Variants in NCK1 observed in about 807,000 individuals in gnomAD.
NCK1 encodes NCK adaptor protein 1, also known as SH2/SH3 adapter protein NCK1.
In NCK1, 19 loss-of-function variants were observed where a neutral mutation model predicts 36.6. The observed-to-expected ratio is 0.52, with a 90% CI of 0.36 to 0.76. The LOEUF is 0.76. Among genes scored for constraint, NCK1 ranks in the 30% least tolerant of loss-of-function variants. The pLI is 0.00. For missense variants in NCK1, 358 were observed against 445.6 expected (o/e 0.80, Z 1.77); for synonymous variants, 165 against 156.0 (o/e 1.06, Z -0.43).
intron 1 of NCK1, among the ~76,000 whole-genome samples, chr3:136,874,939 T>C (rs1938725106): frequency 6.6e-6 from 1 of 152,222 alleles, no homozygotes; most frequent in Non-Finnish European, 1.5e-5. Flanking sequence ...CTGAAGACAT[T>C]CTGATTCTTG....
chr3:136,946,156 A>T lies in NCK1; in HGVS notation c.800A>T (p.Asp267Val). The T allele has an allele frequency of 6.2e-7, 1 of 1,613,728 alleles. No individual in the cohort carries two copies. The highest frequency in any genetic ancestry group is 8.5e-7 in the Non-Finnish European group (1 of 1,179,938). Residue 267 changes from aspartate to valine, a missense_variant, in exon 3 of 4, where the codon GAT (aspartate) becomes GTT (valine). Physicochemically the swap from Asp to Val is radical, Grantham distance 152. Coordinates refer to ENST00000481752, the MANE Select transcript of NCK1 (RefSeq NM_001291999.2). ...SGLEPSPPQCDYIRPSLTGKF... is the reference protein window; with the variant it reads ...SGLEPSPPQCVYIRPSLTGKF... ...TTGGAACCATCACCTCCACAGTGTG[A>T]TTACATTAGGCCTTCACTCACTGGA... is the stretch of plus-strand genomic sequence containing the variant.
chr3:136,906,019 A>G (rs957720375), intron 1 of NCK1, among the ~76,000 whole-genome samples: 2 of 152,082 alleles, frequency 1.3e-5, no homozygotes, highest in South Asian at 2.1e-4. Flanking sequence ...GTGTCCTTAC[A>G]CTGGTATCTG....
intron 2 of NCK1, 147 bp from the exon 3 acceptor site, chr3:136,945,436 A>T (rs1940785720): frequency 1.8e-6 from 1 of 546,082 alleles, no homozygotes; most frequent in Non-Finnish European, 3.0e-6. Context: ...CAAAAAGATG[A>T]TTTTTAACTA....
At chr3:136,942,857 C>T (rs1940712326) in intron 2 of NCK1, among the ~76,000 whole-genome samples, 1 of 152,240 alleles carries the variant, frequency 6.6e-6, no homozygotes, top group Non-Finnish European at 1.5e-5. Flanking sequence ...CCCAGGAAGA[C>T]TCCCTATGCC....
chr3:136,939,034 A>T (rs756804203), intron 2 of NCK1, among the ~76,000 whole-genome samples: 1 of 152,166 alleles, frequency 6.6e-6, no homozygotes, highest in Non-Finnish European at 1.5e-5. Context: ...CTTTTTAGAG[A>T]TGTTTTAGAA....
chr3:136,913,826 G>A (rs1304813606), intron 1 of NCK1, among the ~76,000 whole-genome samples: 7 of 152,100 alleles, frequency 4.6e-5, no homozygotes, highest in Non-Finnish European at 8.8e-5. Context: ...CCGCCACCGC[G>A]CCCAACTAAT....
chr3:136,939,096 C>T (rs983423941), intron 2 of NCK1, among the ~76,000 whole-genome samples: 2 of 152,094 alleles, frequency 1.3e-5, no homozygotes, highest in African/African-American at 4.8e-5. Context: ...CCAGTGAAAC[C>T]ATCTGGTCCA....
At chr3:136,896,386 A>C (rs1258539502) in intron 1 of NCK1, among the ~76,000 whole-genome samples, 1 of 152,130 alleles carries the variant, frequency 6.6e-6, no homozygotes, top group Non-Finnish European at 1.5e-5. Flanking sequence ...AGAACATACT[A>C]TATTTGTCTT....
At chr3:136,926,397 C>T (rs1468283331) in intron 1 of NCK1, among the ~76,000 whole-genome samples, 1 of 151,958 alleles carries the variant, frequency 6.6e-6, no homozygotes, top group Non-Finnish European at 1.5e-5. Context: ...GCCTCAGCGT[C>T]CCAAGTAGCT....
chr3:136,872,931 G>C, intron 1 of NCK1, among the ~76,000 whole-genome samples: 1 of 152,224 alleles, frequency 6.6e-6, no homozygotes, highest in Admixed American at 6.5e-5. Context: ...GAAATGCTTG[G>C]ATGCCCAGGC....
rs1185805620 is a variant in NCK1, at chr3:136,919,074, C to A, written c.-18-8910C>A. The stretch of plus-strand genomic sequence containing the variant: ...TTACACAACACAAATGAAACAAATG[C>A]ATTATGTTAACTGGAAAAGCCAGAC... On this transcript the variant is annotated intron_variant, in intron 1 of 3. Transcript: ENST00000481752. 4.6e-5 allele frequency among the ~76,000 whole-genome samples: 7 copies of A among 152,104 alleles called. No homozygotes were observed. The South Asian group carries it at 1.4e-3, about 32-fold the overall frequency.
At chr3:136,923,319 G>A (rs1049996454) in intron 1 of NCK1, among the ~76,000 whole-genome samples, 21 of 152,132 alleles carry the variant, frequency 1.4e-4, no homozygotes, top group African/African-American at 4.6e-4. Flanking sequence ...ACTTTGGGAG[G>A]CCGAGGCAGG....
At chr3:136,902,199 T>G (rs538296383) in intron 1 of NCK1, among the ~76,000 whole-genome samples, 639 of 22,472 alleles carry the variant, frequency 0.028, 3 homozygotes, top group Middle Eastern at 0.12. Flanking sequence ...TTTTTTTTTT[T>G]TTTGTTTTTG....
chr3:136,879,964 A>G (rs1489752288), intron 1 of NCK1, among the ~76,000 whole-genome samples: 1 of 147,670 alleles, frequency 6.8e-6, no homozygotes, highest in African/African-American at 2.5e-5. Context: ...CGTTGTGCAC[A>G]TGTACCCTAG....
At chr3:136,911,208 G>C (rs906739851) in intron 1 of NCK1, among the ~76,000 whole-genome samples, 3 of 152,168 alleles carry the variant, frequency 2.0e-5, no homozygotes, top group African/African-American at 7.2e-5. Flanking sequence ...ATGCTGCAAT[G>C]AACATGGGAA....
chr3:136,924,224 A>G (rs1940183942), intron 1 of NCK1, among the ~76,000 whole-genome samples: 1 of 152,228 alleles, frequency 6.6e-6, no homozygotes, highest in Non-Finnish European at 1.5e-5. Context: ...TAACAAGTAC[A>G]CAAGAATACT....
intron 1 of NCK1, among the ~76,000 whole-genome samples, chr3:136,917,787 G>T (rs1242599782): frequency 6.6e-6 from 1 of 152,182 alleles, no homozygotes; most frequent in African/African-American, 2.4e-5. Context: ...TAAAATCTCT[G>T]CTTCCATGTC....
At chr3:136,895,739 A>G (rs1465286988) in intron 1 of NCK1, among the ~76,000 whole-genome samples, 1 of 151,792 alleles carries the variant, frequency 6.6e-6, no homozygotes, top group Non-Finnish European at 1.5e-5. Flanking sequence ...TAATTTTTGC[A>G]TTTTTAGTAG....
At chr3:136,944,230 T>C (rs548075238) in intron 2 of NCK1, among the ~76,000 whole-genome samples, 2 of 149,632 alleles carry the variant, frequency 1.3e-5, no homozygotes, top group South Asian at 4.3e-4. Flanking sequence ...ACGATTCTCC[T>C]GCCTCAGCCT....
Sources: gnomAD v4.1 joint callset for allele counts (sites outside exome capture counted in the v4.1 genomes callset) on GRCh38, gnomAD v4.1.1 for gene constraint, MANE v1.5 for transcripts, NCBI Gene and HGNC (gene_info 2026-07-23, HGNC 2026-07-21) for gene names.